Variants in SEPTIN10 observed in about 807,000 individuals in gnomAD.
SEPTIN10 encodes the protein septin-10.
A neutral mutation model predicts 54.8 loss-of-function variants in SEPTIN10; 66 were observed. That is an observed-to-expected ratio of 1.21 (90% confidence interval 0.99 to 1.48). The LOEUF (loss-of-function observed/expected upper bound fraction) is 1.48, where lower values mean the gene tolerates loss of function less well. Among genes scored for constraint, SEPTIN10 ranks in the 40% most tolerant of loss-of-function variants. SEPTIN10 has a pLI of 0.00. For synonymous variants in SEPTIN10, 161 were observed against 181.0 expected (o/e 0.89, Z 0.89); for missense variants, 620 against 545.6 (o/e 1.14, Z -1.36).
chr2:109,558,276 A>G (rs1294509435), intron 8 of SEPTIN10, among the ~76,000 whole-genome samples: 1 of 152,226 alleles, frequency 6.6e-6, no homozygotes, highest in African/African-American at 2.4e-5. Context: ...AACTTTTTCC[A>G]AGTCTACTAT....
chr2:109,564,671 G>A (rs1240239125), intron 7 of SEPTIN10, 137 bp from the exon 8 acceptor site: 15 of 714,786 alleles, frequency 2.1e-5, no homozygotes, highest in East Asian at 1.2e-4. Context: ...TAACAGCTAC[G>A]ATTATTTTAT....
intron 9 of SEPTIN10, among the ~76,000 whole-genome samples, chr2:109,550,470 T>G (rs1682643661): frequency 6.6e-6 from 1 of 151,736 alleles, no homozygotes; most frequent in Non-Finnish European, 1.5e-5. Flanking sequence ...GTTGCCACCA[T>G]GCCTGGCTAA....
chr2:109,601,899 C>A (rs1696677682), intron 1 of SEPTIN10, among the ~76,000 whole-genome samples: 1 of 152,064 alleles, frequency 6.6e-6, no homozygotes, highest in Admixed American at 6.6e-5. Flanking sequence ...TAGCCTACCG[C>A]AGCATAAGAG....
At chr2:109,585,051 C>A in intron 4 of SEPTIN10, 75 bp downstream of exon 4, 1 of 773,228 alleles carries the variant, frequency 1.3e-6, no homozygotes, top group Non-Finnish European at 2.0e-6. Flanking sequence ...AAAATCAAAT[C>A]ATAGTTCATG....
chr2:109,546,328 C>T (rs766980896), intron 9 of SEPTIN10, 91 bp from the exon 10 acceptor site: 37 of 759,334 alleles, frequency 4.9e-5, no homozygotes, highest in Admixed American at 2.0e-4. Context: ...GACCCCATAG[C>T]GCAACACAGA....
At position 109,567,878 on chromosome 2, in the gene SEPTIN10, G is replaced by A. The variant is rs766443489; in HGVS notation, c.699C>T (p.Gly233=). ...IKLMSELVSN[G]VQIYQFPTDD... is the part of the protein sequence containing the mutation. ...CCGTTGGGAACTGGTATATCTGGACGCCATTGCTGACCAATTCACTCATGA... is the reference window on the plus strand; with the variant it reads ...CCGTTGGGAACTGGTATATCTGGACACCATTGCTGACCAATTCACTCATGA... Residue 233 remains glycine, a synonymous_variant, in exon 6 of 11, where the codon GGC becomes GGT. Transcript: ENST00000397712. The A allele has an allele frequency of 8.1e-6, 13 of 1,613,770 alleles. No individual in the cohort carries two copies. Among genetic ancestry groups the A allele is most frequent in the East Asian group, 6.7e-5 (3 of 44,890 alleles).
chr2:109,570,438 AT>A (rs1487520825), intron 5 of SEPTIN10, among the ~76,000 whole-genome samples: 1 of 152,072 alleles, frequency 6.6e-6, no homozygotes, highest in Non-Finnish European at 1.5e-5. Context: ...TAGGGGAAAA[AT>A]TTTTTTAATG....
intron 1 of SEPTIN10, among the ~76,000 whole-genome samples, chr2:109,603,831 C>T (rs1184537415): frequency 2.0e-5 from 3 of 151,984 alleles, no homozygotes; most frequent in African/African-American, 4.8e-5. Context: ...GTCAGCAGTT[C>T]GATACCAGCC....
intron 1 of SEPTIN10, among the ~76,000 whole-genome samples, chr2:109,603,016 A>G (rs947502080): frequency 1.3e-5 from 2 of 151,840 alleles, no homozygotes; most frequent in African/African-American, 2.4e-5. Flanking sequence ...GGCTGCAGTA[A>G]GCTGTGACTG....
At position 109,598,238 on chromosome 2, in the gene SEPTIN10, T is replaced by C. The variant is rs914288456; in HGVS notation, c.31-5119A>G. On this transcript the variant is annotated intron_variant, in intron 1 of 10. Coordinates refer to ENST00000397712, the MANE Select transcript of SEPTIN10 (RefSeq NM_144710.5). ...ATGCACCACCACACCTGGCTAACTT[T>C]TGTATTTTTATTAGAGACAGGGTTT... 2.0e-5 allele frequency among the ~76,000 whole-genome samples: 3 copies of C among 152,010 alleles called. 1 individual carries two copies. The highest frequency in any genetic ancestry group is 4.8e-5 in the African/African-American group (2 of 41,506).
In SEPTIN10 at chr2:109,563,040, A is replaced by G. The variant is rs184444330; in HGVS notation, c.1028+1326T>C. On this transcript the variant is annotated intron_variant, in intron 8 of 10. Transcript: ENST00000397712. ...ATTCTCCTACCTCAGCCTCCTGAGT[A>G]GCTGGTTTTACAGAAGTGTGCCACC... is the stretch of plus-strand genomic sequence containing the variant. 1.9e-4 allele frequency among the ~76,000 whole-genome samples: 29 copies of G among 152,044 alleles called. No homozygotes were observed. The East Asian group carries it at 5.6e-3, about 30-fold the overall frequency.
At chr2:109,571,335 T>TTTGATGTTGCGTGAACATCACAGAG in intron 5 of SEPTIN10, among the ~76,000 whole-genome samples, 1 of 152,326 alleles carries the variant, frequency 6.6e-6, no homozygotes, top group Middle Eastern at 3.4e-3. Flanking sequence ...CTTAGGTGAT[T>TTTGATGTTGCGTGAACATCACAGAG]TTGATGTTGC....
intron 5 of SEPTIN10, among the ~76,000 whole-genome samples, chr2:109,569,036 G>C (rs1228740226): frequency 6.6e-6 from 1 of 152,156 alleles, no homozygotes; most frequent in East Asian, 1.9e-4. Flanking sequence ...TTTGTGACTG[G>C]TGGTTCTTAA....
At chr2:109,600,248 G>C (rs755536185) in intron 1 of SEPTIN10, among the ~76,000 whole-genome samples, 2 of 152,006 alleles carry the variant, frequency 1.3e-5, no homozygotes, top group Non-Finnish European at 2.9e-5. Flanking sequence ...GGGCCTGAAG[G>C]CTTTCTCCCC....
intron 7 of SEPTIN10, 107 bp from the exon 8 acceptor site, chr2:109,564,641 T>C (rs1686534194): frequency 3.1e-6 from 3 of 966,520 alleles, no homozygotes; most frequent in South Asian, 3.1e-5. Flanking sequence ...AAACAACAAA[T>C]AGCAAATGAT....
chr2:109,613,959 G>T lies in SEPTIN10; in HGVS notation c.-132C>A. The stretch of plus-strand genomic sequence containing the variant: ...GCGAGGCTAGGCTGCCTCCGCGACG[G>T]GGAAGGGACAGGGGCGGGGCCGAGC... On this transcript the variant is annotated 5_prime_UTR_variant, in exon 1 of 11. Coordinates refer to ENST00000397712, the MANE Select transcript of SEPTIN10 (RefSeq NM_144710.5). 2 of 1,209,800 alleles carry T rather than the reference G, an allele frequency of 1.7e-6. No individual in the cohort carries two copies. Among genetic ancestry groups the T allele is most frequent in the Admixed American group, 8.7e-5 (2 of 22,882 alleles). 74.9% of individuals were successfully genotyped at this position (1,209,800 alleles called of 1,614,324 possible). A position where few individuals can be genotyped will look rare whatever the true frequency, so the allele number is the denominator to read the frequency against.
chr2:109,585,669 G>A lies in SEPTIN10; in HGVS notation c.217+52C>T, dbSNP rs373090073. The stretch of plus-strand genomic sequence containing the variant: ...GTTCTGCCCATGACAAGAATGAAGT[G>A]AGCACAAGGAATATGAAGGAACAAC... On this transcript the variant is annotated intron_variant, in intron 3 of 10. Transcript: ENST00000397712. 3.9e-5 allele frequency: 47 copies of A among 1,202,776 alleles called. No individual in the cohort carries two copies. In the African/African-American group the frequency reaches 5.7e-4, roughly 15 times the overall value. The allele number at this position is 1,202,776 out of a possible 1,614,324, so 74.5% of individuals were successfully genotyped here. A position where few individuals can be genotyped will look rare whatever the true frequency, so the allele number is the denominator to read the frequency against.
At chr2:109,572,669 T>C (rs895609815) in intron 5 of SEPTIN10, among the ~76,000 whole-genome samples, 3 of 142,714 alleles carry the variant, frequency 2.1e-5, no homozygotes, top group Middle Eastern at 3.7e-3. Flanking sequence ...CAGGCTGGAG[T>C]GCAGTGGTGC....
At chr2:109,607,094 G>A (rs745339052) in intron 1 of SEPTIN10, among the ~76,000 whole-genome samples, 6 of 152,118 alleles carry the variant, frequency 3.9e-5, no homozygotes, top group African/African-American at 9.7e-5. Context: ...CATGGCCATC[G>A]CTTCGTTTAC....
Sources: gnomAD v4.1 joint callset for allele counts (sites outside exome capture counted in the v4.1 genomes callset) on GRCh38, gnomAD v4.1.1 for gene constraint, MANE v1.5 for transcripts, NCBI Gene and HGNC (gene_info 2026-07-23, HGNC 2026-07-21) for gene names.